Variants in CYP3A43 observed in about 807,000 individuals in gnomAD.
CYP3A43 encodes cytochrome P450 family 3 subfamily A member 43.
A neutral mutation model predicts 58.0 loss-of-function variants in CYP3A43; 45 were observed. That is an observed-to-expected ratio of 0.78 (90% CI 0.61 to 0.99). The LOEUF is 0.99. CYP3A43 is among the 50% of genes least tolerant of loss of function. The pLI is 0.00. For synonymous variants in CYP3A43, 191 were observed against 201.4 expected (o/e 0.95, Z 0.44); for missense variants, 593 against 591.9 (o/e 1.00, Z -0.02).
intron 10 of CYP3A43, 64 bp downstream of exon 10, chr7:99,860,054 C>T: frequency 6.6e-7 from 1 of 1,520,606 alleles, no homozygotes; most frequent in South Asian, 1.3e-5. Context: ...TGCCTCCTCA[C>T]CACTTGCCAG....
At chr7:99,838,928 C>T in intron 2 of CYP3A43, 192 bp from the exon 3 acceptor site, 1 of 662,894 alleles carries the variant, frequency 1.5e-6, no homozygotes, top group East Asian at 3.0e-5. Context: ...TGCAATGAGC[C>T]AAGATCGCAC....
At chr7:99,829,000 C>T (rs140148033) in intron 1 of CYP3A43, among the ~76,000 whole-genome samples, 101 of 152,334 alleles carry the variant, frequency 6.6e-4, no homozygotes, top group Admixed American at 1.7e-3. Context: ...TGTGTTTTCT[C>T]CCTTCACCTT....
intron 1 of CYP3A43, among the ~76,000 whole-genome samples, chr7:99,829,980 G>A (rs919368703): frequency 2.6e-5 from 4 of 152,036 alleles, no homozygotes; most frequent in African/African-American, 9.7e-5. Context: ...GGAAAGTTGG[G>A]GCTCCAAAAA....
chr7:99,865,380 A>T (rs1241042245), intron 12 of CYP3A43, among the ~76,000 whole-genome samples: 1 of 148,652 alleles, frequency 6.7e-6, no homozygotes, highest in African/African-American at 2.6e-5. Context: ...AGTAAAAAAC[A>T]AAAGCATAAT....
chr7:99,866,007 C>T lies in CYP3A43; in HGVS notation c.*6C>T, dbSNP rs1282287317. 6.4e-7 allele frequency: 1 copy of T among 1,568,162 alleles called. No individual in the cohort carries two copies. Among genetic ancestry groups the T allele is most frequent in the Non-Finnish European group, 8.7e-7 (1 of 1,149,800 alleles). ...GGATTACAAGTGGACCCTGACTTTCCCTAAGGACTTCCACTTTGTTCAAGA... is the reference window on the plus strand; with the variant it reads ...GGATTACAAGTGGACCCTGACTTTCTCTAAGGACTTCCACTTTGTTCAAGA... On this transcript the variant is annotated 3_prime_UTR_variant, in exon 13 of 13. Coordinates refer to ENST00000354829, the MANE Select transcript of CYP3A43 (RefSeq NM_057095.3).
Position 99,847,618 on chromosome 7 carries a change from A to G in CYP3A43, c.432+17A>G. 6.2e-7 allele frequency: 1 copy of G among 1,612,772 alleles called. No homozygotes were observed. The highest frequency in any genetic ancestry group is 8.5e-7 in the Non-Finnish European group (1 of 1,179,416). ...TTCAAGGAAGTAAGAAAATAAGGTG[A>G]TTTATAATTAGAAACTTAAAGGATG... On this transcript the variant is annotated intron_variant, in intron 5 of 12. Transcript: ENST00000354829.
intron 11 of CYP3A43, among the ~76,000 whole-genome samples, chr7:99,863,277 A>G (rs1000743105): frequency 1.3e-5 from 2 of 152,216 alleles, no homozygotes; most frequent in Non-Finnish European, 1.5e-5. Context: ...ACACATAACC[A>G]CAAGGGCATT....
At position 99,859,907 on chromosome 7, in the gene CYP3A43, C is replaced by T; in HGVS notation, c.943C>T (p.Pro315Ser). 6.2e-7 allele frequency: 1 copy of T among 1,614,042 alleles called. No homozygotes were observed. Among genetic ancestry groups the T allele is most frequent in the African/African-American group, 1.3e-5 (1 of 75,014 alleles). The change falls in exon 10 of 13, where the codon CCC (proline) becomes TCC (serine). Residue 315 changes from proline to serine, a missense_variant. Pro to Ser is a moderately conservative substitution (Grantham distance 74). Transcript: ENST00000354829. ...AAYDTTSTTL[P>S]FIMYELATHP... ...CTATGACACAACTAGCACCACTCTC[C>T]CCTTCATTATGTATGAACTGGCCAC...
chr7:99,832,318 T>C (rs931808490), intron 1 of CYP3A43, among the ~76,000 whole-genome samples: 3 of 151,950 alleles, frequency 2.0e-5, no homozygotes, highest in Non-Finnish European at 4.4e-5. Context: ...CTTGAATTGT[T>C]ATCCCTATGT....
rs148781783 is a variant in CYP3A43, at chr7:99,835,932, G to A, written c.72-521G>A. Among the ~76,000 whole-genome samples, 507 of 152,236 alleles carry A rather than the reference G, an allele frequency of 3.3e-3. 2 individuals are homozygous for A. Among genetic ancestry groups the A allele is most frequent in the African/African-American group, 0.012 (482 of 41,528 alleles). ...TCAGTACTGACAGAATTATAACTAG[G>A]CTTGTAAATTGTATCCACATTTACT... On this transcript the variant is annotated intron_variant, in intron 1 of 12. Coordinates refer to ENST00000354829, the MANE Select transcript of CYP3A43 (RefSeq NM_057095.3).
At chr7:99,834,141 A>G (rs1254795803) in intron 1 of CYP3A43, among the ~76,000 whole-genome samples, 1 of 152,226 alleles carries the variant, frequency 6.6e-6, no homozygotes, top group Non-Finnish European at 1.5e-5. Context: ...ATTTTGATAT[A>G]TAGCATTTCT....
chr7:99,856,782 C>G, intron 8 of CYP3A43, 51 bp from the exon 9 acceptor site: 1 of 1,598,508 alleles, frequency 6.3e-7, no homozygotes, highest in South Asian at 1.1e-5. Flanking sequence ...TGATTCACTT[C>G]TGACTTCACA....
At chr7:99,865,835 T>G (rs1418899681) in intron 12 of CYP3A43, 71 bp from the exon 13 acceptor site, 1 of 1,152,808 alleles carries the variant, frequency 8.7e-7, no homozygotes, top group Non-Finnish European at 1.2e-6. Flanking sequence ...TGATGTCATC[T>G]TTTTTATTTT....
intron 1 of CYP3A43, among the ~76,000 whole-genome samples, chr7:99,831,434 G>A (rs1816839481): frequency 6.6e-6 from 1 of 152,086 alleles, no homozygotes; most frequent in Non-Finnish European, 1.5e-5. Context: ...GCACATAAGG[G>A]GCATTTAAAA....
Position 99,844,163 on chromosome 7 carries a change from C to G in CYP3A43, c.239C>G (p.Pro80Arg), listed in dbSNP as rs142965961. 1 of 1,613,794 alleles carries G rather than the reference C, an allele frequency of 6.2e-7. No individual in the cohort carries two copies. The highest frequency in any genetic ancestry group is 8.5e-7 in the Non-Finnish European group (1 of 1,179,906). ...CACAGGCTGTATGAGGGGCAACAGC[C>G]CATGCTGGTCATCATGGATCCCGAC... ...EMWGLYEGQQPMLVIMDPDMI... is the reference protein window; with the variant it reads ...EMWGLYEGQQRMLVIMDPDMI... Residue 80 changes from proline (P) to arginine (R), a missense_variant, in exon 4 of 13, where the codon CCC (proline) becomes CGC (arginine). Physicochemically the swap from Pro to Arg is moderately radical, Grantham distance 103 (BLOSUM62 -2). Transcript: ENST00000354829.
chr7:99,850,970 C>A (rs1189008529), intron 7 of CYP3A43, among the ~76,000 whole-genome samples: 1 of 152,122 alleles, frequency 6.6e-6, no homozygotes, highest in Non-Finnish European at 1.5e-5. Flanking sequence ...AGATCAAGAC[C>A]ATCCTTGCCA....
At chr7:99,829,395 G>A (rs958965671) in intron 1 of CYP3A43, among the ~76,000 whole-genome samples, 3 of 152,154 alleles carry the variant, frequency 2.0e-5, no homozygotes, top group Non-Finnish European at 2.9e-5. Context: ...GTGCAGCTTG[G>A]TTTTATTCTT....
chr7:99,847,686 A>G (rs1817588846), intron 5 of CYP3A43, 85 bp downstream of exon 5: 1 of 1,582,082 alleles, frequency 6.3e-7, no homozygotes, highest in African/African-American at 1.3e-5. Flanking sequence ...TTCCTTTCTA[A>G]TGGGTAGTCC....
Position 99,855,600 on chromosome 7 carries a change from C to A in CYP3A43, c.680C>A (p.Pro227Gln). 1 of 1,608,236 alleles carries A rather than the reference C, an allele frequency of 6.2e-7. No homozygotes were observed. The highest frequency in any genetic ancestry group is 8.5e-7 in the Non-Finnish European group (1 of 1,177,078). Reference protein sequence around the residue: ...DPFLLLISLFPFLTPVFEALN... With the variant: ...DPFLLLISLFQFLTPVFEALN... Reference sequence around the variant, plus strand: ...TTTAATTTTCCTATAGCACTCTTTCCATTTCTTACCCCAGTTTTTGAAGCC... The same window carrying A: ...TTTAATTTTCCTATAGCACTCTTTCAATTTCTTACCCCAGTTTTTGAAGCC... Residue 227 changes from proline to glutamine, a missense_variant, in exon 8 of 13, where the codon CCA becomes CAA. Pro to Gln is a moderately conservative substitution (Grantham distance 76). Coordinates refer to ENST00000354829, the MANE Select transcript of CYP3A43 (RefSeq NM_057095.3).
Sources: gnomAD v4.1 joint callset for allele counts (sites outside exome capture counted in the v4.1 genomes callset) on GRCh38, gnomAD v4.1.1 for gene constraint, MANE v1.5 for transcripts, NCBI Gene and HGNC (gene_info 2026-07-23, HGNC 2026-07-21) for gene names.